RBFOX1: variants seen among roughly 807,000 people sequenced by gnomAD.
The protein encoded by RBFOX1 is RNA binding protein fox-1 homolog 1.
Under a neutral mutation model 57.7 loss-of-function variants are expected in RBFOX1, and 8 were observed. The ratio of observed to expected loss-of-function variants is 0.14; its 90% CI spans 0.08 to 0.25. The LOEUF is 0.25. RBFOX1 is among the 10% of genes least tolerant of loss of function. RBFOX1 has a pLI of 1.00. For synonymous variants in RBFOX1, 326 were observed against 222.4 expected, an observed-to-expected ratio of 1.47 and a Z score of -4.15; for missense variants, 611 against 548.5, an observed-to-expected ratio of 1.11 and a Z score of -1.14.
intron 14 of RBFOX1, among the ~76,000 whole-genome samples, chr16:7,680,792 G>A (rs546879333): frequency 1.3e-5 from 2 of 152,150 alleles, no homozygotes; most frequent in South Asian, 4.2e-4. Flanking sequence ...TGACATATTG[G>A]CTCTGTTGTA....
intron 3 of RBFOX1, among the ~76,000 whole-genome samples, chr16:6,864,047 C>G (rs1010454533): frequency 1.3e-5 from 2 of 148,820 alleles, no homozygotes; most frequent in East Asian, 3.9e-4. Flanking sequence ...ACCTGCCTAG[C>G]AAAAGCTGAA....
At chr16:5,259,109 T>G (rs2062664007) in intron 1 of RBFOX1, among the ~76,000 whole-genome samples, 1 of 152,114 alleles carries the variant, frequency 6.6e-6, no homozygotes, top group Admixed American at 6.5e-5. Context: ...CAGGTTATTG[T>G]AAGTATTGGA....
intron 3 of RBFOX1, among the ~76,000 whole-genome samples, chr16:6,719,833 C>T (rs541506117): frequency 6.6e-6 from 1 of 152,100 alleles, no homozygotes; most frequent in Non-Finnish European, 1.5e-5. Flanking sequence ...CTGCTCACAC[C>T]TGTAATCTCA....
chr16:5,829,491 G>C (rs1276259339), intron 3 of RBFOX1, among the ~76,000 whole-genome samples: 1 of 152,124 alleles, frequency 6.6e-6, no homozygotes, highest in African/African-American at 2.4e-5. Context: ...GGGGGAGGAG[G>C]AGGGTGCCTT....
intron 3 of RBFOX1, among the ~76,000 whole-genome samples, chr16:5,739,801 C>T (rs1210610109): frequency 1.3e-5 from 2 of 152,244 alleles, no homozygotes; most frequent in Non-Finnish European, 2.9e-5. Context: ...GCCTCCTCCC[C>T]TCTCTCCATC....
chr16:6,423,138 C>G (rs1223796672), intron 2 of RBFOX1, among the ~76,000 whole-genome samples: 1 of 152,182 alleles, frequency 6.6e-6, no homozygotes, highest in Non-Finnish European at 1.5e-5. Context: ...GTTTTTCCTC[C>G]CAGGTTGCTG....
At chr16:6,981,312 A>G (rs967518563) in intron 3 of RBFOX1, among the ~76,000 whole-genome samples, 8 of 151,630 alleles carry the variant, frequency 5.3e-5, no homozygotes, top group East Asian at 3.9e-4. Context: ...GTCCCCCTCT[A>G]TGTGTCCATG....
chr16:7,485,506 G>A (rs763378245), intron 4 of RBFOX1, among the ~76,000 whole-genome samples: 1 of 152,178 alleles, frequency 6.6e-6, no homozygotes, highest in African/African-American at 2.4e-5. Flanking sequence ...TAACATGACA[G>A]GGAATGAGGT....
intron 3 of RBFOX1, among the ~76,000 whole-genome samples, chr16:5,728,933 A>G (rs1352373710): frequency 6.6e-6 from 1 of 152,154 alleles, no homozygotes; most frequent in Admixed American, 6.5e-5. Context: ...CTCAACCTCA[A>G]CTGATAGTGA....
chr16:6,442,596 T>C (rs1432102813), intron 2 of RBFOX1, among the ~76,000 whole-genome samples: 1 of 151,960 alleles, frequency 6.6e-6, no homozygotes, highest in Non-Finnish European at 1.5e-5. Context: ...AGTGTTCCTC[T>C]GCTGTCTTCC....
At chr16:7,038,200 G>T (rs2045106027) in intron 3 of RBFOX1, among the ~76,000 whole-genome samples, 1 of 152,068 alleles carries the variant, frequency 6.6e-6, no homozygotes, top group Non-Finnish European at 1.5e-5. Context: ...ATGGTCCCAG[G>T]AGACCGGTTC....
chr16:7,417,521 C>T (rs1256011184), intron 4 of RBFOX1, among the ~76,000 whole-genome samples: 2 of 88,680 alleles, frequency 2.3e-5, no homozygotes, highest in Admixed American at 2.2e-4. Flanking sequence ...ACCAGCTTCA[C>T]ATGGTATTGT....
intron 3 of RBFOX1, among the ~76,000 whole-genome samples, chr16:5,638,000 A>G (rs56382012): frequency 0.023 from 3,490 of 152,338 alleles, 61 homozygotes; most frequent in African/African-American, 0.056. Flanking sequence ...TCCCCTGACT[A>G]TTCTTTCCTT....
At chr16:6,608,147 C>G (rs1177726160) in intron 2 of RBFOX1, among the ~76,000 whole-genome samples, 1 of 152,180 alleles carries the variant, frequency 6.6e-6, no homozygotes, top group Non-Finnish European at 1.5e-5. Flanking sequence ...GATTACTCCT[C>G]ACTTTCTTAA....
At chr16:7,284,235 A>G (rs1003449620) in intron 4 of RBFOX1, among the ~76,000 whole-genome samples, 1 of 152,236 alleles carries the variant, frequency 6.6e-6, no homozygotes, top group African/African-American at 2.4e-5. Context: ...TGCTGTAAGC[A>G]TTTATGTACA....
chr16:6,566,529 A>G (rs2097268533), intron 2 of RBFOX1, among the ~76,000 whole-genome samples: 5 of 152,122 alleles, frequency 3.3e-5, no homozygotes, highest in Admixed American at 3.3e-4. Flanking sequence ...CTGGTTTCAA[A>G]CCATAGGCTG....
intron 3 of RBFOX1, among the ~76,000 whole-genome samples, chr16:6,797,966 G>C (rs748389453): frequency 6.6e-6 from 1 of 151,986 alleles, no homozygotes. Context: ...TGGTGATCAC[G>C]GTGATGGTGA....
chr16:6,019,445 G>C lies in RBFOX1; in HGVS notation c.-674G>C, dbSNP rs1207993923. On this transcript the variant is annotated 5_prime_UTR_variant, in exon 1 of 16. Transcript: ENST00000550418. The surrounding 1 kb of genome is among the most constrained non-coding windows in gnomAD (Gnocchi z 4.2). ...ACGGAGCCCAGGGGCCGCGTCGGGT[G>C]GGGAAACCCGAACTCGCGGAGGGGA... 2 of 990,468 alleles carry C rather than the reference G, an allele frequency of 2.0e-6. No individual in the cohort carries two copies. The highest frequency in any genetic ancestry group is 2.4e-6 in the Non-Finnish European group (2 of 833,630). 61.4% of individuals were successfully genotyped at this position (990,468 alleles called of 1,614,324 possible). A position where few individuals can be genotyped will look rare whatever the true frequency, so the allele number is the denominator to read the frequency against.
chr16:6,283,125 G>A (rs772586423), intron 1 of RBFOX1, among the ~76,000 whole-genome samples: 22 of 152,150 alleles, frequency 1.4e-4, no homozygotes, highest in Non-Finnish European at 2.8e-4. Context: ...TCAGGAGTGG[G>A]AGACTAGTCT....
Sources: gnomAD v4.1 joint callset for allele counts (sites outside exome capture counted in the v4.1 genomes callset) on GRCh38, gnomAD v4.1.1 for gene constraint, Gnocchi (gnomAD v3.1) non-coding constraint, MANE v1.5 for transcripts, NCBI Gene and HGNC (gene_info 2026-07-23, HGNC 2026-07-21) for gene names.